Variants in LRRC27 observed in about 807,000 individuals in gnomAD.
LRRC27 encodes leucine-rich repeat-containing protein 27.
Under a neutral mutation model 55.0 loss-of-function variants are expected in LRRC27, and 57 were observed. The observed-to-expected ratio is 1.04, with a 90% CI of 0.84 to 1.29. The LOEUF is 1.29. Among genes scored for constraint, LRRC27 ranks in the 50% most tolerant of loss-of-function variants. The pLI is 0.00. For synonymous variants in LRRC27, 278 were observed against 251.9 expected (o/e 1.10, Z -0.98); for missense variants, 721 against 651.5 (o/e 1.11, Z -1.16).
chr10:132,331,863 G>C, upstream of LRRC27: 1 of 1,352,194 alleles, frequency 7.4e-7, no homozygotes, highest in South Asian at 1.3e-5. Context: ...ACCGTTGGCC[G>C]CGTGCGTGCG....
Position 132,337,246 on chromosome 10 carries a change from T to A in LRRC27, c.211-319T>A, listed in dbSNP as rs7093732. On this transcript the variant is annotated intron_variant, in intron 2 of 10. Transcript: ENST00000368614. ...CTGGAGAAACGGCCGAGACACTGAG[T>A]GTGGGGCCCCGGAATTCAGACCATG... 4,187 of 1,180,430 alleles carry A rather than the reference T, an allele frequency of 3.5e-3. 107 individuals carry two copies. In the African/African-American group the frequency reaches 0.061, roughly 17 times the overall value. The allele number at this position is 1,180,430 out of a possible 1,614,324, so 73.1% of individuals were successfully genotyped here. A position where few individuals can be genotyped will look rare whatever the true frequency, so the allele number is the denominator to read the frequency against.
intron 9 of LRRC27, among the ~76,000 whole-genome samples, chr10:132,362,440 G>A (rs965149640): frequency 2.0e-5 from 3 of 152,162 alleles, no homozygotes; most frequent in East Asian, 1.9e-4. Context: ...GTGGCCCGGC[G>A]AGTTCACGGG....
At position 132,348,487 on chromosome 10, in the gene LRRC27, A is replaced by C. The variant is rs956764865; in HGVS notation, c.926+131A>C. ...CGTTGCCACCGTTTACTGTGCAGTG[A>C]GTGCCGGTCCCAGGTTTAGGGTAAC... On this transcript the variant is annotated intron_variant, in intron 6 of 10. Transcript: ENST00000368614. The surrounding 1 kb of genome is among the most constrained non-coding windows in gnomAD (Gnocchi z 4.2). The C allele has an allele frequency of 9.5e-5, 119 of 1,256,402 alleles. No homozygotes were observed. In the South Asian group the frequency reaches 1.7e-3, roughly 18 times the overall value. The allele number at this position is 1,256,402 out of a possible 1,614,324, so 77.8% of individuals were successfully genotyped here.
upstream of LRRC27, chr10:132,330,403 T>G (rs2066630925): frequency 1.4e-6 from 1 of 716,714 alleles, no homozygotes; most frequent in South Asian, 1.5e-5. Context: ...AACACCCATG[T>G]CACTCCTCAT....
At chr10:132,353,342 C>A in intron 7 of LRRC27, 1 of 1,094,548 alleles carries the variant, frequency 9.1e-7, no homozygotes, top group East Asian at 6.6e-5. Flanking sequence ...GCTCTTGCAC[C>A]GCCCCTGTGG....
At chr10:132,333,759 G>T in intron 2 of LRRC27, 25 bp downstream of exon 2, 1 of 1,589,968 alleles carries the variant, frequency 6.3e-7, no homozygotes, top group Non-Finnish European at 8.6e-7. Flanking sequence ...TCCTCAGGCT[G>T]TGTGCCCACA....
chr10:132,371,352 C>T (rs543073958), intron 10 of LRRC27, among the ~76,000 whole-genome samples: 31 of 152,302 alleles, frequency 2.0e-4, no homozygotes, highest in Non-Finnish European at 3.2e-4. Flanking sequence ...CCAGGGTGGA[C>T]GGGTCAGGGC....
chr10:132,366,708 G>C, intron 10 of LRRC27: 1 of 521,642 alleles, frequency 1.9e-6, no homozygotes. Context: ...CACAGGTCAG[G>C]CTGGTGCGAG....
At chr10:132,361,952 C>A (rs1405471840) in intron 9 of LRRC27, among the ~76,000 whole-genome samples, 1 of 152,192 alleles carries the variant, frequency 6.6e-6, no homozygotes, top group Non-Finnish European at 1.5e-5. Context: ...CGCTGCCTCC[C>A]CAGGTCTTCT....
chr10:132,351,224 C>T (rs1190578696), intron 6 of LRRC27: 3 of 181,032 alleles, frequency 1.7e-5, no homozygotes, highest in East Asian at 1.6e-4. Flanking sequence ...GGGCGAGCTG[C>T]TGGCCAGGCC....
Position 132,351,691 on chromosome 10 carries a change from G to C in LRRC27, c.1011G>C (p.Glu337Asp). Residue 337 changes from glutamate (E) to aspartate (D), a missense_variant, in exon 7 of 11, where the codon GAG (glutamate) becomes GAC (aspartate). Glu to Asp is a conservative substitution (Grantham distance 45). Coordinates refer to ENST00000368614, the MANE Select transcript of LRRC27 (RefSeq NM_030626.3). ...QMAIRAKRLEESRAAALRELQ... is the reference protein window; with the variant it reads ...QMAIRAKRLEDSRAAALRELQ... ...CGATCCGAGCAAAAAGACTGGAAGAGAGCCGAGCGGCGGCGCTCCGAGAGC... is the reference window on the plus strand; with the variant it reads ...CGATCCGAGCAAAAAGACTGGAAGACAGCCGAGCGGCGGCGCTCCGAGAGC... 1 of 1,614,024 alleles carries C rather than the reference G, an allele frequency of 6.2e-7. No homozygotes were observed. The highest frequency in any genetic ancestry group is 1.3e-5 in the African/African-American group (1 of 75,068).
intron 4 of LRRC27, among the ~76,000 whole-genome samples, chr10:132,343,200 A>G (rs1040095550): frequency 6.6e-6 from 1 of 152,160 alleles, no homozygotes; most frequent in Non-Finnish European, 1.5e-5. Flanking sequence ...CTGTGTTCCT[A>G]GGTACTTAGG....
At position 132,351,693 on chromosome 10, in the gene LRRC27, G is replaced by A. The variant is rs753202563; in HGVS notation, c.1013G>A (p.Ser338Asn). The A allele has an allele frequency of 2.5e-6, 4 of 1,613,848 alleles. No homozygotes were observed. Among genetic ancestry groups the A allele is most frequent in the Non-Finnish European group, 3.4e-6 (4 of 1,180,016 alleles). Residue 338 changes from serine to asparagine, a missense_variant, in exon 7 of 11, where the codon AGC (serine) becomes AAC (asparagine). Coordinates refer to ENST00000368614, the MANE Select transcript of LRRC27 (RefSeq NM_030626.3). ...MAIRAKRLEE[S>N]RAAALRELQE... ...ATCCGAGCAAAAAGACTGGAAGAGA[G>A]CCGAGCGGCGGCGCTCCGAGAGCTC...
intron 3 of LRRC27, among the ~76,000 whole-genome samples, chr10:132,339,274 G>A (rs947537382): frequency 6.6e-6 from 1 of 152,238 alleles, no homozygotes; most frequent in Non-Finnish European, 1.5e-5. Flanking sequence ...CTTGTAGGAG[G>A]CCCTTCACTT....
chr10:132,375,401 G>C lies in LRRC27; in HGVS notation c.*159G>C, dbSNP rs1299755440. 1.6e-6 allele frequency: 1 copy of C among 607,734 alleles called. No individual in the cohort carries two copies. The highest frequency in any genetic ancestry group is 2.8e-6 in the Non-Finnish European group (1 of 354,892). The allele number at this position is 607,734 out of a possible 1,614,324, so 37.6% of individuals were successfully genotyped here. A position where few individuals can be genotyped will look rare whatever the true frequency, so the allele number is the denominator to read the frequency against. ...TGTTGTTTTCCTTAGACAGGTCCAC[G>C]TCCCTCTCCTGAGGCTGTGGAAGAT... On this transcript the variant is annotated 3_prime_UTR_variant, in exon 11 of 11. Transcript: ENST00000368614.
In LRRC27 at chr10:132,344,518, G is replaced by C; in HGVS notation, c.421G>C (p.Ala141Pro). The part of the protein sequence containing the change: ...VELGSVTTLK[A>P]LNLRHCPLEF... ...TGCAGGGAGCGTAACCACGCTGAAAGCACTGAACCTAAGACACTGCCCTCT... is the reference window on the plus strand; with the variant it reads ...TGCAGGGAGCGTAACCACGCTGAAACCACTGAACCTAAGACACTGCCCTCT... Residue 141 changes from alanine to proline, a missense_variant, in exon 5 of 11, where the codon GCA (alanine) becomes CCA (proline). Coordinates refer to ENST00000368614, the MANE Select transcript of LRRC27 (RefSeq NM_030626.3). 1 of 1,613,846 alleles carries C rather than the reference G, an allele frequency of 6.2e-7. No homozygotes were observed. The highest frequency in any genetic ancestry group is 8.5e-7 in the Non-Finnish European group (1 of 1,179,778).
rs1482921822 is a variant in LRRC27 at position 132,338,297 on chromosome 10, CA to C, written c.341+603del. ...CACCACTGCACTCCAGTCTGGGTGA[CA>C]GAGTAAGAGTCCGTCTCAAAAAAAA... On this transcript the variant is annotated intron_variant, in intron 3 of 10. Transcript: ENST00000368614. Among the ~76,000 whole-genome samples, 3 of 152,220 alleles carry C rather than the reference CA, an allele frequency of 2.0e-5. No individual in the cohort carries two copies. The South Asian group carries it at 6.2e-4, about 32-fold the overall frequency.
At chr10:132,342,401 G>A in intron 4 of LRRC27, 130 bp downstream of exon 4, 1 of 631,800 alleles carries the variant, frequency 1.6e-6, no homozygotes, top group Non-Finnish European at 2.7e-6. Flanking sequence ...CTACTTCTAG[G>A]ACCAAGATAA....
intron 7 of LRRC27, among the ~76,000 whole-genome samples, chr10:132,355,222 C>T (rs973346217): frequency 3.3e-5 from 5 of 152,078 alleles, no homozygotes; most frequent in Non-Finnish European, 5.9e-5. Flanking sequence ...ACTAGAGGCG[C>T]CCACCACTAC....
Sources: gnomAD v4.1 joint callset for allele counts (sites outside exome capture counted in the v4.1 genomes callset) on GRCh38, gnomAD v4.1.1 for gene constraint, Gnocchi (gnomAD v3.1) non-coding constraint, MANE v1.5 for transcripts, NCBI Gene and HGNC (gene_info 2026-07-23, HGNC 2026-07-21) for gene names.